The following MGAT4C variants were observed in gnomAD, a reference collection of about 807,000 sequenced individuals.
The protein encoded by MGAT4C is MGAT4 family member C, also known as alpha-1,3-mannosyl-glycoprotein 4-beta-N-acetylglucosaminyltransferase C.
Under a neutral mutation model 40.1 loss-of-function variants are expected in MGAT4C, and 19 were observed. The observed-to-expected ratio is 0.47, with a 90% CI of 0.33 to 0.70. MGAT4C has a LOEUF of 0.70. MGAT4C is among the 30% of genes least tolerant of loss of function. The probability of loss-of-function intolerance (pLI) is 0.02; values close to 1 mark genes in which losing one functional copy is unlikely to be tolerated. For missense variants in MGAT4C, 491 were observed against 563.2 expected (o/e 0.87, Z 1.30); for synonymous variants, 181 against 187.1 (o/e 0.97, Z 0.27).
chr12:86,414,483 A>G (rs1157378892), intron 3 of MGAT4C, among the ~76,000 whole-genome samples: 1 of 152,170 alleles, frequency 6.6e-6, no homozygotes, highest in Non-Finnish European at 1.5e-5. Context: ...TGCAGGGCAC[A>G]TATTGGTTAC....
At chr12:86,130,734 T>C (rs1881051630) in intron 1 of MGAT4C, among the ~76,000 whole-genome samples, 1 of 152,014 alleles carries the variant, frequency 6.6e-6, no homozygotes, top group Non-Finnish European at 1.5e-5. Flanking sequence ...TTTATGTTGG[T>C]ATCTGGATTC....
chr12:85,991,353 C>A (rs916772031), intron 2 of MGAT4C, among the ~76,000 whole-genome samples: 1 of 152,098 alleles, frequency 6.6e-6, no homozygotes. Flanking sequence ...CAGCCATGGG[C>A]GGGCCCAGAA....
rs570847919 is a variant in MGAT4C, at chr12:86,269,658, G to T, written c.-57+64407C>A. Among the ~76,000 whole-genome samples the T allele has an allele frequency of 4.6e-5, 7 of 151,872 alleles. No homozygotes were observed. In the South Asian group the frequency reaches 1.5e-3, roughly 31 times the overall value. ...TCTTAGAGAAACTGCCTCAAAAATG[G>T]CAATATCTTCTTTGTGCTTAATGAC... On this transcript the variant is annotated intron_variant, in intron 4 of 7. Transcript: ENST00000548651.
intron 1 of MGAT4C, among the ~76,000 whole-genome samples, chr12:86,832,947 C>T (rs1952961972): frequency 2.0e-5 from 3 of 151,622 alleles, no homozygotes; most frequent in Admixed American, 6.6e-5. Flanking sequence ...TTTCATATAT[C>T]GTTTTAACAC....
At chr12:86,021,252 G>T (rs1166040490) in intron 2 of MGAT4C, among the ~76,000 whole-genome samples, 1 of 152,086 alleles carries the variant, frequency 6.6e-6, no homozygotes, top group Non-Finnish European at 1.5e-5. Flanking sequence ...ATACCCAAAG[G>T]ATTATAAACC....
At chr12:86,549,958 G>A (rs1402496990) in intron 2 of MGAT4C, among the ~76,000 whole-genome samples, 2 of 152,096 alleles carry the variant, frequency 1.3e-5, no homozygotes, top group Non-Finnish European at 2.9e-5. Context: ...ATCTTGAAAT[G>A]TAATCCCCAC....
intron 1 of MGAT4C, among the ~76,000 whole-genome samples, chr12:86,072,263 A>T (rs368716772): frequency 2.6e-5 from 4 of 152,092 alleles, no homozygotes; most frequent in African/African-American, 9.7e-5. Context: ...TAAACTAATT[A>T]TACAGAAAAG....
intron 1 of MGAT4C, among the ~76,000 whole-genome samples, chr12:86,209,983 A>T (rs1205179055): frequency 6.6e-6 from 1 of 152,194 alleles, no homozygotes; most frequent in African/African-American, 2.4e-5. Context: ...CTTAATAATT[A>T]TACAGATTAT....
At position 86,196,789 on chromosome 12, in the gene MGAT4C, G is replaced by T. The variant is rs139244815; in HGVS notation, c.-57+59450C>A. On this transcript the variant is annotated intron_variant, in intron 1 of 4. Transcript: ENST00000611864. ...AATCTCTTTAAGGAGCAAATTTCCAGCCACACACTTTGTCTCTCTAGAACA... is the reference window on the plus strand; with the variant it reads ...AATCTCTTTAAGGAGCAAATTTCCATCCACACACTTTGTCTCTCTAGAACA... Among the ~76,000 whole-genome samples, 329 of 152,180 alleles carry T rather than the reference G, an allele frequency of 2.2e-3. 2 individuals are homozygous for T. Among genetic ancestry groups the T allele is most frequent in the African/African-American group, 7.4e-3 (308 of 41,514 alleles).
intron 2 of MGAT4C, among the ~76,000 whole-genome samples, chr12:86,545,953 A>T (rs2095604123): frequency 6.6e-6 from 1 of 151,952 alleles, no homozygotes; most frequent in Admixed American, 6.6e-5. Flanking sequence ...TTTTCAAAAG[A>T]TTATATTTTT....
chr12:86,376,159 G>A (rs2136215624), intron 3 of MGAT4C, among the ~76,000 whole-genome samples: 1 of 150,348 alleles, frequency 6.7e-6, no homozygotes, highest in Non-Finnish European at 1.5e-5. Flanking sequence ...GCCAAGGAGG[G>A]CAGATGGCTT....
chr12:86,488,363 G>C (rs573046555), intron 2 of MGAT4C, among the ~76,000 whole-genome samples: 10 of 151,546 alleles, frequency 6.6e-5, no homozygotes, highest in African/African-American at 2.2e-4. Context: ...GGAGATTGAG[G>C]CTGCAGTGAG....
intron 1 of MGAT4C, among the ~76,000 whole-genome samples, chr12:86,219,967 C>T (rs898174683): frequency 6.6e-6 from 1 of 152,056 alleles, no homozygotes; most frequent in Non-Finnish European, 1.5e-5. Context: ...TGATGACAAT[C>T]AGACCTTTCA....
In MGAT4C at chr12:86,768,691, T is replaced by C. The variant is rs1281072937; in HGVS notation, c.-261-41450A>G. 4.6e-5 allele frequency among the ~76,000 whole-genome samples: 7 copies of C among 151,566 alleles called. No individual in the cohort carries two copies. In the South Asian group the frequency reaches 6.3e-4, roughly 14 times the overall value. ...AGAGATATAGATCAATGGAACAGAA[T>C]AGAGCCCTCAGAAATAACGCCGCAT... is the stretch of plus-strand genomic sequence containing the variant. On this transcript the variant is annotated intron_variant, in intron 1 of 7. Coordinates refer to the MGAT4C transcript ENST00000548651.
intron 2 of MGAT4C, among the ~76,000 whole-genome samples, chr12:86,471,337 T>C (rs1178094131): frequency 2.6e-5 from 4 of 151,986 alleles, no homozygotes; most frequent in African/African-American, 9.7e-5. Flanking sequence ...AACTATAACA[T>C]AGAAGCCACT....
chr12:86,139,854 T>C (rs151187066), intron 1 of MGAT4C, among the ~76,000 whole-genome samples: 6 of 152,322 alleles, frequency 3.9e-5, no homozygotes, highest in African/African-American at 1.4e-4. Context: ...TTTTAGCTGC[T>C]CTGCATTTGC....
At chr12:86,356,884 C>T (rs1955326262) in intron 3 of MGAT4C, among the ~76,000 whole-genome samples, 2 of 152,152 alleles carry the variant, frequency 1.3e-5, no homozygotes, top group Admixed American at 1.3e-4. Context: ...CTGTAGAATC[C>T]ACCTCTGGGG....
chr12:86,251,414 A>G (rs1952272969), intron 1 of MGAT4C, among the ~76,000 whole-genome samples: 1 of 152,066 alleles, frequency 6.6e-6, no homozygotes, highest in East Asian at 1.9e-4. Context: ...CTACCTGAAT[A>G]CAATTTGCAC....
chr12:86,761,397 C>A (rs118130160), intron 1 of MGAT4C, among the ~76,000 whole-genome samples: 416 of 152,176 alleles, frequency 2.7e-3, no homozygotes, highest in Non-Finnish European at 5.2e-3. Flanking sequence ...TTTCCTATTG[C>A]CACAAAAGTA....
Sources: allele counts gnomAD v4.1 joint callset (sites outside exome capture counted in the v4.1 genomes callset), GRCh38; gene constraint gnomAD v4.1.1; transcripts MANE v1.5; gene names NCBI Gene and HGNC (gene_info 2026-07-23, HGNC 2026-07-21).